FABP12: variants seen among roughly 807,000 people sequenced by gnomAD.
The protein encoded by FABP12 is fatty acid-binding protein 12.
In FABP12, 19 loss-of-function variants were observed where a neutral mutation model predicts 13.7. The observed-to-expected ratio is 1.39, with a 90% CI of 0.97 to 2.04. FABP12 has a LOEUF of 2.04. Ranked by LOEUF, FABP12 falls within the 30% of genes most tolerant of loss-of-function variation. The probability of loss-of-function intolerance (pLI) is 0.00; values close to 1 mark genes in which losing one functional copy is unlikely to be tolerated. For synonymous variants in FABP12, 61 were observed against 57.0 expected, an observed-to-expected ratio of 1.07 and a Z score of -0.32; for missense variants, 182 against 164.2, an observed-to-expected ratio of 1.11 and a Z score of -0.59.
In FABP12 at chr8:81,539,736, C is replaced by T. The variant is rs769712151; in HGVS notation, c.-177G>A. Among the ~76,000 whole-genome samples, 24 of 152,204 alleles carry T rather than the reference C, an allele frequency of 1.6e-4. No homozygotes were observed. The Middle Eastern group carries it at 0.01, about 65-fold the overall frequency. On this transcript the variant is annotated 5_prime_UTR_variant, in exon 2 of 6. Coordinates refer to the FABP12 transcript ENST00000692030. ...GATTCAGACAAATCAAAATAATACA[C>T]GGAATTCCTGGAGGGATGAATAAAG...
At chr8:81,574,085 G>A (rs1009253625) in intron 1 of FABP12, among the ~76,000 whole-genome samples, 1 of 152,064 alleles carries the variant, frequency 6.6e-6, no homozygotes, top group Admixed American at 6.6e-5. Flanking sequence ...TGTTGGCTGT[G>A]GGTTTGTCAT....
chr8:81,590,085 C>A (rs1026492613), exon 1 of FABP12, among the ~76,000 whole-genome samples: 2 of 152,074 alleles, frequency 1.3e-5, no homozygotes, highest in Admixed American at 1.3e-4. Flanking sequence ...TGAAGTGAAC[C>A]TGAGGAAAGA....
At chr8:81,570,348 C>T (rs1809906451) in intron 1 of FABP12, among the ~76,000 whole-genome samples, 1 of 152,250 alleles carries the variant, frequency 6.6e-6, no homozygotes, top group South Asian at 2.1e-4. Context: ...TAAGCCTCAC[C>T]ATTTGGCAGG....
intron 1 of FABP12, among the ~76,000 whole-genome samples, chr8:81,551,405 A>AAG (rs914479361): frequency 2.0e-5 from 3 of 152,158 alleles, no homozygotes; most frequent in African/African-American, 7.2e-5. Flanking sequence ...TGACTCTGGG[A>AAG]AGAGAGGTCC....
upstream of FABP12, among the ~76,000 whole-genome samples, chr8:81,538,887 T>C (rs146206766): frequency 1.7e-3 from 263 of 152,312 alleles, no homozygotes; most frequent in African/African-American, 5.6e-3. Context: ...TCTCACTCTG[T>C]CACCCAGGCA....
chr8:81,528,342 G>T (rs937764865), intron 3 of FABP12, among the ~76,000 whole-genome samples: 2 of 152,170 alleles, frequency 1.3e-5, no homozygotes, highest in Admixed American at 1.3e-4. Context: ...GCCTCCCAAA[G>T]TGCTGGGATT....
intron 1 of FABP12, among the ~76,000 whole-genome samples, chr8:81,560,219 T>C (rs1809699938): frequency 6.6e-6 from 1 of 152,124 alleles, no homozygotes; most frequent in Non-Finnish European, 1.5e-5. Context: ...TAACCAGACA[T>C]AATTGGCCCC....
intron 1 of FABP12, among the ~76,000 whole-genome samples, chr8:81,549,992 T>C (rs777870078): frequency 1.3e-5 from 2 of 152,204 alleles, no homozygotes; most frequent in Non-Finnish European, 2.9e-5. Context: ...TATTATACTC[T>C]GTTATAGCTA....
At chr8:81,531,098 A>G (rs1809061979) in intron 2 of FABP12, 145 bp downstream of exon 2, 3 of 645,868 alleles carry the variant, frequency 4.6e-6, no homozygotes, top group South Asian at 3.8e-5. Context: ...GCACAGAACT[A>G]TATCCTGGTA....
intron 2 of FABP12, among the ~76,000 whole-genome samples, chr8:81,539,156 T>G (rs1809288158): frequency 6.6e-6 from 1 of 152,146 alleles, no homozygotes; most frequent in South Asian, 2.1e-4. Context: ...GCTACCTTTA[T>G]GTTTTAAATA....
At chr8:81,556,879 C>CTTTTTT (rs11338781) in intron 1 of FABP12, among the ~76,000 whole-genome samples, 2 of 109,266 alleles carry the variant, frequency 1.8e-5, no homozygotes, top group Admixed American at 9.8e-5. Context: ...AAGTGTACAT[C>CTTTTTT]TTTTTTTTTT....
chr8:81,565,676 A>C (rs1809807879), intron 1 of FABP12, among the ~76,000 whole-genome samples: 1 of 152,052 alleles, frequency 6.6e-6, no homozygotes, highest in South Asian at 2.1e-4. Flanking sequence ...CAACAAAAGC[A>C]TTACTAAGAG....
intron 1 of FABP12, among the ~76,000 whole-genome samples, chr8:81,577,247 T>C (rs1585858994): frequency 1.3e-5 from 2 of 152,202 alleles, no homozygotes. Context: ...TTTCTCCACA[T>C]TTGACATACA....
chr8:81,532,960 G>A (rs764150716), intron 1 of FABP12: 1 of 152,238 alleles, frequency 6.6e-6, no homozygotes, highest in Non-Finnish European at 1.5e-5. Context: ...AACATTGAGG[G>A]TAATCTGGGC....
intron 1 of FABP12, chr8:81,533,154 G>A (rs571418109): frequency 1.3e-5 from 2 of 152,366 alleles, no homozygotes; most frequent in African/African-American, 4.8e-5. Context: ...ACAGGCGTCA[G>A]TACTGAGGTG....
At chr8:81,558,509 G>A (rs1263417858) in intron 1 of FABP12, among the ~76,000 whole-genome samples, 2 of 152,134 alleles carry the variant, frequency 1.3e-5, no homozygotes, top group African/African-American at 4.8e-5. Flanking sequence ...CCCTGAGCCT[G>A]CTCCACGTGA....
chr8:81,567,125 A>G (rs555840374), intron 1 of FABP12, among the ~76,000 whole-genome samples: 2 of 152,214 alleles, frequency 1.3e-5, no homozygotes, highest in Non-Finnish European at 2.9e-5. Flanking sequence ...AATGAAAACT[A>G]TAAACTATTG....
At chr8:81,541,689 C>A (rs747471069) in intron 1 of FABP12, among the ~76,000 whole-genome samples, 26 of 152,050 alleles carry the variant, frequency 1.7e-4, no homozygotes, top group Non-Finnish European at 3.7e-4. Context: ...TGACAGTCAA[C>A]CTGCCTGGTA....
intron 1 of FABP12, among the ~76,000 whole-genome samples, chr8:81,563,932 C>T (rs1212700390): frequency 6.6e-6 from 1 of 151,972 alleles, no homozygotes; most frequent in Non-Finnish European, 1.5e-5. Context: ...TATTTAAGTA[C>T]AAGAAGGTTA....
Sources: gnomAD v4.1 joint callset for allele counts (sites outside exome capture counted in the v4.1 genomes callset) on GRCh38, gnomAD v4.1.1 for gene constraint, MANE v1.5 for transcripts, NCBI Gene and HGNC (gene_info 2026-07-23, HGNC 2026-07-21) for gene names.